Variants in KCNT2 observed in about 807,000 individuals in gnomAD.
KCNT2 encodes potassium channel subfamily T member 2.
In KCNT2, 67 loss-of-function variants were observed where a neutral mutation model predicts 153.8. The ratio of observed to expected loss-of-function variants is 0.44; its 90% confidence interval spans 0.36 to 0.53. KCNT2 has a LOEUF of 0.53. Among genes scored for constraint, KCNT2 ranks in the 20% least tolerant of loss-of-function variants. The pLI is 0.00. For missense variants in KCNT2, 975 were observed against 1,354.8 expected (o/e 0.72, Z 4.40); for synonymous variants, 500 against 458.8 (o/e 1.09, Z -1.15).
chr1:196,454,616 G>A (rs1676497083), intron 8 of KCNT2, among the ~76,000 whole-genome samples: 5 of 151,772 alleles, frequency 3.3e-5, no homozygotes, highest in Admixed American at 3.3e-4. Context: ...GCACCCATCT[G>A]TGCCCATTTT....
chr1:196,520,107 C>T (rs1012737556), intron 1 of KCNT2, among the ~76,000 whole-genome samples: 4 of 152,118 alleles, frequency 2.6e-5, no homozygotes, highest in African/African-American at 9.7e-5. Context: ...GCTAATCCAC[C>T]ACAATCAAGC....
chr1:196,252,422 C>T lies in KCNT2; in HGVS notation c.3211+5772G>A, dbSNP rs146788166. 3.0e-4 allele frequency among the ~76,000 whole-genome samples: 45 copies of T among 151,722 alleles called. No individual in the cohort carries two copies. The East Asian group carries it at 3.9e-3, about 13-fold the overall frequency. ...AAAACTAGTGTGCTATTATTTCTCA[C>T]GCTATAGAGTTTACAATATACAGCT... On this transcript the variant is annotated intron_variant, in intron 26 of 27. Transcript: ENST00000294725.
At chr1:196,269,298 T>G (rs529123446) in intron 25 of KCNT2, among the ~76,000 whole-genome samples, 29 of 152,246 alleles carry the variant, frequency 1.9e-4, no homozygotes, top group African/African-American at 6.7e-4. Context: ...TCCATACTAT[T>G]TATTTGGTAT....
intron 8 of KCNT2, among the ~76,000 whole-genome samples, chr1:196,447,897 A>G (rs1347472303): frequency 1.3e-5 from 2 of 151,220 alleles, no homozygotes; most frequent in African/African-American, 4.8e-5. Context: ...CACCGAGAGC[A>G]GGAAGAGCCT....
intron 1 of KCNT2, among the ~76,000 whole-genome samples, chr1:196,504,046 A>T (rs563403677): frequency 2.0e-5 from 3 of 152,122 alleles, no homozygotes; most frequent in Admixed American, 2.0e-4. Flanking sequence ...CACTAATATA[A>T]TTTCACTTAA....
chr1:196,283,453 A>C (rs545365305), intron 23 of KCNT2, among the ~76,000 whole-genome samples: 1 of 152,176 alleles, frequency 6.6e-6, no homozygotes, highest in Non-Finnish European at 1.5e-5. Context: ...AAACAAACAA[A>C]AAATAAATAA....
chr1:196,268,075 G>T (rs1042237213), intron 25 of KCNT2, among the ~76,000 whole-genome samples: 2 of 152,138 alleles, frequency 1.3e-5, no homozygotes, highest in Non-Finnish European at 2.9e-5. Context: ...AGGACCCAAA[G>T]GTTAGCAGGG....
intron 1 of KCNT2, among the ~76,000 whole-genome samples, chr1:196,602,182 C>A (rs1342344642): frequency 6.6e-6 from 1 of 152,058 alleles, no homozygotes; most frequent in South Asian, 2.1e-4. Flanking sequence ...AAGGATACCG[C>A]TAAACATTAA....
At chr1:196,591,604 T>C (rs2149002364) in intron 1 of KCNT2, among the ~76,000 whole-genome samples, 1 of 152,304 alleles carries the variant, frequency 6.6e-6, no homozygotes, top group African/African-American at 2.4e-5. Flanking sequence ...AAATCTCCAA[T>C]GCTCTCATAG....
intron 13 of KCNT2, among the ~76,000 whole-genome samples, chr1:196,381,514 TAAG>T (rs1339634664): frequency 6.6e-6 from 1 of 152,162 alleles, no homozygotes; most frequent in African/African-American, 2.4e-5. Context: ...TATATTGTGT[TAAG>T]TAGTTTTCAG....
intron 14 of KCNT2, among the ~76,000 whole-genome samples, chr1:196,344,243 A>G (rs566006830): frequency 1.4e-4 from 21 of 152,288 alleles, no homozygotes; most frequent in Admixed American, 1.2e-3. Context: ...GTAAGCTGCC[A>G]ATATTACTCT....
At chr1:196,339,547 AG>A (rs1665404304) in intron 16 of KCNT2, among the ~76,000 whole-genome samples, 2 of 151,664 alleles carry the variant, frequency 1.3e-5, no homozygotes, top group Non-Finnish European at 2.9e-5. Flanking sequence ...AGAGAGAGAG[AG>A]AGAGACAGAG....
intron 12 of KCNT2, among the ~76,000 whole-genome samples, chr1:196,414,763 T>C (rs1326027245): frequency 6.6e-6 from 1 of 151,892 alleles, no homozygotes; most frequent in Non-Finnish European, 1.5e-5. Flanking sequence ...CCATGATTTT[T>C]CCATATGGTT....
At chr1:196,477,586 C>T (rs1678650102) in intron 5 of KCNT2, among the ~76,000 whole-genome samples, 1 of 151,572 alleles carries the variant, frequency 6.6e-6, no homozygotes, top group Admixed American at 6.6e-5. Context: ...ACCCTTTCCC[C>T]TCCCCCTCCA....
intron 1 of KCNT2, among the ~76,000 whole-genome samples, chr1:196,521,569 C>T (rs1653409098): frequency 6.6e-6 from 1 of 151,958 alleles, no homozygotes; most frequent in Non-Finnish European, 1.5e-5. Context: ...CAATGGTAGA[C>T]TGAAAAAAGA....
intron 1 of KCNT2, among the ~76,000 whole-genome samples, chr1:196,501,492 CAGAA>C (rs1408257352): frequency 1.3e-5 from 2 of 152,102 alleles, no homozygotes; most frequent in African/African-American, 4.8e-5. Context: ...AACCTAGAAA[CAGAA>C]AGTCATATAT....
intron 8 of KCNT2, among the ~76,000 whole-genome samples, chr1:196,442,939 T>C (rs570418362): frequency 6.6e-6 from 1 of 151,750 alleles, no homozygotes; most frequent in African/African-American, 2.4e-5. Flanking sequence ...CCAGAGGGAA[T>C]ATAGGTAAGC....
intron 1 of KCNT2, among the ~76,000 whole-genome samples, chr1:196,529,241 T>C (rs1482149510): frequency 1.3e-5 from 2 of 152,174 alleles, no homozygotes; most frequent in African/African-American, 4.8e-5. Context: ...AACCATGTAA[T>C]GTAAGTTCAT....
Position 196,228,333 on chromosome 1 carries a change from T to C in KCNT2, c.3299A>G (p.Tyr1100Cys), listed in dbSNP as rs1653651798. ...GGCCAGTGGATCTGGTCGAATTAAG[T>C]ATCTAATAAAAGAAAACAAAATAAA... ...DTRIELNDVV[Y>C]LIRPDPLAYL... The change falls in exon 28 of 28, where the codon TAC (tyrosine) becomes TGC (cysteine). Residue 1100 changes from tyrosine (Y) to cysteine (C), a missense_variant and splice_region_variant. Coordinates refer to ENST00000294725, the MANE Select transcript of KCNT2 (RefSeq NM_198503.5). 1 of 1,567,832 alleles carries C rather than the reference T, an allele frequency of 6.4e-7. No individual in the cohort carries two copies. Among genetic ancestry groups the C allele is most frequent in the Non-Finnish European group, 8.8e-7 (1 of 1,142,558 alleles).
Sources: allele counts gnomAD v4.1 joint callset (sites outside exome capture counted in the v4.1 genomes callset), GRCh38; gene constraint gnomAD v4.1.1; transcripts MANE v1.5; gene names NCBI Gene and HGNC (gene_info 2026-07-23, HGNC 2026-07-21).